LRTM3: variants seen among roughly 807,000 people sequenced by gnomAD.
LRTM3 encodes leucine rich repeat transmembrane protein 3.
chr13:102,731,649 T>C, the LRTM3 span: 1 of 1,551,506 alleles, frequency 6.4e-7, no homozygotes, highest in Non-Finnish European at 8.7e-7. Context: ...GACTCAGAGA[T>C]AGCTTTGGTT....
At chr13:102,742,973 T>C in the LRTM3 span, 4 of 1,540,588 alleles carry the variant, frequency 2.6e-6, no homozygotes, top group South Asian at 1.2e-5. Flanking sequence ...TCCATTTTTG[T>C]TTTTTTCTAT....
the LRTM3 span, chr13:102,747,290 A>T: frequency 6.5e-7 from 1 of 1,549,416 alleles, no homozygotes; most frequent in Non-Finnish European, 8.7e-7. Flanking sequence ...ATTCAGAAGC[A>T]TACCTGCTGC....
the LRTM3 span, among the ~76,000 whole-genome samples, chr13:102,757,476 G>A: frequency 2.0e-5 from 3 of 152,146 alleles, no homozygotes; most frequent in Non-Finnish European, 4.4e-5. Context: ...ATAGAAAGCC[G>A]TTTATGACCT....
the LRTM3 span, chr13:102,738,067 A>C: frequency 2.6e-6 from 4 of 1,549,098 alleles, no homozygotes; most frequent in South Asian, 4.8e-5. Context: ...CTTGCTCCTC[A>C]CCTTCTCTGT....
At chr13:102,740,963 T>C in the LRTM3 span, 1 of 1,550,216 alleles carries the variant, frequency 6.5e-7, no homozygotes, top group Non-Finnish European at 8.7e-7. Context: ...ATGTATTCCT[T>C]CTGAACATGG....
At chr13:102,731,572 C>T in the LRTM3 span, 1 of 1,551,358 alleles carries the variant, frequency 6.4e-7, no homozygotes, top group Non-Finnish European at 8.7e-7. Flanking sequence ...AGTCGTCAGG[C>T]TTATAGGCTT....
chr13:102,758,511 T>C, the LRTM3 span: 2 of 1,539,032 alleles, frequency 1.3e-6, no homozygotes, highest in South Asian at 2.4e-5. Context: ...GAACAAGTTT[T>C]ATATTAAAAT....
chr13:102,747,870 G>A, the LRTM3 span: 1 of 1,551,326 alleles, frequency 6.4e-7, no homozygotes, highest in Non-Finnish European at 8.7e-7. Flanking sequence ...GAACTGATCT[G>A]TTCCATTTGG....
chr13:102,729,907 G>A, the LRTM3 span: 2 of 1,551,890 alleles, frequency 1.3e-6, no homozygotes, highest in Admixed American at 2.0e-5. Flanking sequence ...ACTTGCCTTG[G>A]TTTTTTGCAA....
chr13:102,743,576 T>G, the LRTM3 span: 1 of 1,549,602 alleles, frequency 6.5e-7, no homozygotes, highest in Non-Finnish European at 8.7e-7. Flanking sequence ...GTTTATCTGG[T>G]TTTTAGAGTC....
At chr13:102,737,583 T>A in the LRTM3 span, 13 of 1,550,778 alleles carry the variant, frequency 8.4e-6, no homozygotes, top group East Asian at 2.9e-4. Context: ...TCTTTAGGAT[T>A]CAGTGGTAGG....
At chr13:102,740,452 G>T in the LRTM3 span, 1 of 1,550,150 alleles carries the variant, frequency 6.5e-7, no homozygotes, top group East Asian at 2.4e-5. Flanking sequence ...AATGTTGCAG[G>T]AGACAGGGAT....
chr13:102,747,615 CA>C, the LRTM3 span: 1 of 1,551,142 alleles, frequency 6.4e-7, no homozygotes, highest in Non-Finnish European at 8.7e-7. Flanking sequence ...AGGTTTCCAC[CA>C]AATGGGACAC....
the LRTM3 span, chr13:102,733,644 G>A: frequency 1.3e-6 from 2 of 1,551,352 alleles, no homozygotes; most frequent in Non-Finnish European, 1.7e-6. Context: ...TTTACAGGCT[G>A]AGCCTTTTTC....
At chr13:102,755,318 C>T in the LRTM3 span, among the ~76,000 whole-genome samples, 3 of 151,452 alleles carry the variant, frequency 2.0e-5, no homozygotes, top group African/African-American at 4.9e-5. Context: ...TGCTTAGCTT[C>T]GGCCAATATA....
the LRTM3 span, chr13:102,738,633 A>G: frequency 1.9e-6 from 3 of 1,550,404 alleles, no homozygotes; most frequent in East Asian, 7.3e-5. Context: ...ATATTATCAG[A>G]AATACACTTT....
the LRTM3 span, among the ~76,000 whole-genome samples, chr13:102,755,931 G>GTGTGTGTGTGTA: frequency 8.7e-5 from 10 of 115,506 alleles, no homozygotes; most frequent in African/African-American, 3.2e-4. Flanking sequence ...GTGTGTGTGT[G>GTGTGTGTGTGTA]TATATATATA....
the LRTM3 span, chr13:102,740,018 A>G: frequency 1.3e-6 from 2 of 1,550,454 alleles, no homozygotes; most frequent in Non-Finnish European, 1.7e-6. Flanking sequence ...AACTTGTTCT[A>G]CGCTATCCTT....
the LRTM3 span, chr13:102,749,152 A>G: frequency 3.2e-6 from 5 of 1,550,580 alleles, no homozygotes; most frequent in Non-Finnish European, 3.5e-6. Context: ...ACTCATTCCT[A>G]TTTTTTAAAG....
Sources: gnomAD v4.1 joint callset for allele counts (sites outside exome capture counted in the v4.1 genomes callset) on GRCh38, gnomAD v4.1.1 for gene constraint, MANE v1.5 for transcripts, NCBI Gene and HGNC (gene_info 2026-07-23, HGNC 2026-07-21) for gene names.